Variants in SP100 observed in about 807,000 individuals in gnomAD.
The protein encoded by SP100 is SP100 nuclear body protein, also known as nuclear autoantigen Sp-100.
Under a neutral mutation model 130.0 loss-of-function variants are expected in SP100, and 84 were observed. The observed-to-expected ratio is 0.65, with a 90% CI of 0.54 to 0.77. The LOEUF is 0.77. SP100 is among the 30% of genes least tolerant of loss of function. The probability of loss-of-function intolerance (pLI) is 0.00; values close to 1 mark genes in which losing one functional copy is unlikely to be tolerated. For synonymous variants in SP100, 331 were observed against 351.7 expected (o/e 0.94, Z 0.66); for missense variants, 978 against 1,052.2 (o/e 0.93, Z 0.97).
chr2:230,435,271 T>C (rs1430269062), intron 2 of SP100, among the ~76,000 whole-genome samples: 1 of 152,226 alleles, frequency 6.6e-6, no homozygotes, highest in African/African-American at 2.4e-5. Flanking sequence ...ATTAGACATT[T>C]TCATTTTCTC....
chr2:230,469,211 A>G, intron 14 of SP100, 115 bp downstream of exon 14: 1 of 689,250 alleles, frequency 1.5e-6, no homozygotes, highest in Admixed American at 2.8e-5. Context: ...GGGATTTTAG[A>G]TGATTTGCAT....
chr2:230,514,945 T>G, intron 24 of SP100: 2 of 1,328,306 alleles, frequency 1.5e-6, no homozygotes, highest in Non-Finnish European at 2.0e-6. Flanking sequence ...TTGAGCTCCA[T>G]AGAGATAGTG....
chr2:230,442,859 T>C, intron 2 of SP100, 78 bp from the exon 3 acceptor site: 2 of 1,245,804 alleles, frequency 1.6e-6, no homozygotes, highest in Non-Finnish European at 2.3e-6. Flanking sequence ...GCTTGTCCTT[T>C]ATATGTAAAC....
chr2:230,417,342 C>G (rs892277121), intron 1 of SP100, among the ~76,000 whole-genome samples: 3 of 152,064 alleles, frequency 2.0e-5, no homozygotes, highest in Non-Finnish European at 4.4e-5. Flanking sequence ...ATAGATCTGC[C>G]TCATTCTTTT....
At chr2:230,427,569 A>G (rs539811512) in intron 2 of SP100, among the ~76,000 whole-genome samples, 1 of 152,312 alleles carries the variant, frequency 6.6e-6, no homozygotes, top group Non-Finnish European at 1.5e-5. Flanking sequence ...ATTTATTGAT[A>G]GGTAAGAACT....
intron 22 of SP100, among the ~76,000 whole-genome samples, chr2:230,507,714 A>G (rs1690227779): frequency 6.6e-6 from 1 of 152,180 alleles, no homozygotes; most frequent in South Asian, 2.1e-4. Flanking sequence ...TATAGAAAGG[A>G]CAGCATGCAA....
intron 18 of SP100, among the ~76,000 whole-genome samples, chr2:230,496,175 T>G (rs544468016): frequency 1.5e-4 from 23 of 152,338 alleles, no homozygotes; most frequent in African/African-American, 5.5e-4. Context: ...ATTAAAATAC[T>G]TGGATTTGTT....
At chr2:230,511,483 G>C (rs1690583347) in intron 24 of SP100, among the ~76,000 whole-genome samples, 1 of 152,126 alleles carries the variant, frequency 6.6e-6, no homozygotes. Flanking sequence ...CTGCCGATTA[G>C]GGAGAAGGAT....
chr2:230,427,480 G>A (rs1179272161), intron 2 of SP100, among the ~76,000 whole-genome samples: 1 of 152,038 alleles, frequency 6.6e-6, no homozygotes, highest in Non-Finnish European at 1.5e-5. Context: ...ACTCTTCTAT[G>A]CAGCAGATTG....
chr2:230,492,507 G>C (rs2066440533), intron 17 of SP100, among the ~76,000 whole-genome samples: 1 of 151,992 alleles, frequency 6.6e-6, no homozygotes, highest in Admixed American at 6.6e-5. Context: ...GGTCTTGCTG[G>C]GTTGCCCAAG....
intron 5 of SP100, among the ~76,000 whole-genome samples, chr2:230,447,295 T>C (rs907953301): frequency 6.6e-6 from 1 of 152,218 alleles, no homozygotes; most frequent in African/African-American, 2.4e-5. Flanking sequence ...TACTGTCATA[T>C]TCACAACACT....
chr2:230,459,262 A>C (rs116598667), intron 8 of SP100, among the ~76,000 whole-genome samples: 1 of 152,288 alleles, frequency 6.6e-6, no homozygotes, highest in Non-Finnish European at 1.5e-5. Context: ...TCATGCAAAG[A>C]AGGGAAGAGA....
At position 230,452,818 on chromosome 2, in the gene SP100, GT is replaced by G. The variant is rs371944455; in HGVS notation, c.820+2582del. On this transcript the variant is annotated intron_variant, in intron 8 of 28. Coordinates refer to ENST00000340126, the MANE Select transcript of SP100 (RefSeq NM_001080391.2). ...CTGAATTTGTTTATTAGTTCTAGCA[GT>G]TTTTTTTTTTTTTTTTTTGGTGGAG... is the stretch of plus-strand genomic sequence containing the variant. Among the ~76,000 whole-genome samples, 814 of 122,036 alleles carry G rather than the reference GT, an allele frequency of 6.7e-3. 6 individuals carry two copies. The highest frequency in any genetic ancestry group is 7.3e-3 in the South Asian group (27 of 3,722). The allele number at this position is 122,036 out of a possible 152,430, so 80.1% of individuals were successfully genotyped here. A position where few individuals can be genotyped will look rare whatever the true frequency, so the allele number is the denominator to read the frequency against.
At chr2:230,536,360 G>A (rs1392922780) in intron 24 of SP100, among the ~76,000 whole-genome samples, 2 of 152,162 alleles carry the variant, frequency 1.3e-5, no homozygotes, top group Admixed American at 1.3e-4. Flanking sequence ...GCACTGAAAT[G>A]AACCCAATTG....
At chr2:230,465,421 C>A (rs772611653) in intron 11 of SP100, among the ~76,000 whole-genome samples, 4 of 151,988 alleles carry the variant, frequency 2.6e-5, no homozygotes, top group Admixed American at 2.6e-4. Context: ...TAAAAAAGAA[C>A]GAGATCATGT....
At chr2:230,499,371 C>G (rs1488222017) in intron 19 of SP100, among the ~76,000 whole-genome samples, 1 of 147,444 alleles carries the variant, frequency 6.8e-6, no homozygotes, top group Non-Finnish European at 1.5e-5. Context: ...TGCCAGACTG[C>G]CCTGTTGTTA....
chr2:230,488,563 G>C (rs978075655), intron 17 of SP100, among the ~76,000 whole-genome samples: 1 of 152,002 alleles, frequency 6.6e-6, no homozygotes, highest in Non-Finnish European at 1.5e-5. Context: ...ACAGGCACCC[G>C]CCACCATGCC....
At chr2:230,422,348 G>A (rs1411698757) in intron 2 of SP100, among the ~76,000 whole-genome samples, 1 of 152,092 alleles carries the variant, frequency 6.6e-6, no homozygotes, top group Admixed American at 6.6e-5. Context: ...AGTGTCCACT[G>A]GGTGTCCATT....
At chr2:230,427,110 C>T (rs1238408842) in intron 2 of SP100, among the ~76,000 whole-genome samples, 2 of 152,000 alleles carry the variant, frequency 1.3e-5, no homozygotes, top group Non-Finnish European at 2.9e-5. Flanking sequence ...TATCTTTTTT[C>T]ATCCCTTCAC....
Sources: gnomAD v4.1 joint callset for allele counts (sites outside exome capture counted in the v4.1 genomes callset) on GRCh38, gnomAD v4.1.1 for gene constraint, MANE v1.5 for transcripts, NCBI Gene and HGNC (gene_info 2026-07-23, HGNC 2026-07-21) for gene names.